PKD1L3: variants seen among roughly 807,000 people sequenced by gnomAD.
The protein encoded by PKD1L3 is polycystin-1-like protein 3.
In PKD1L3, 239 loss-of-function variants were observed where a neutral mutation model predicts 184.1. That is an observed-to-expected ratio of 1.30 (90% CI 1.17 to 1.45). The LOEUF is 1.45. Ranked by LOEUF, PKD1L3 falls within the 40% of genes most tolerant of loss-of-function variation. PKD1L3 has a pLI of 0.00. For synonymous variants in PKD1L3, 996 were observed against 778.8 expected (o/e 1.28, Z -4.64); for missense variants, 2,660 against 2,067.2 (o/e 1.29, Z -5.56).
At chr16:71,985,544 C>G (rs1197954593) in intron 5 of PKD1L3, among the ~76,000 whole-genome samples, 3 of 152,084 alleles carry the variant, frequency 2.0e-5, no homozygotes, top group African/African-American at 7.2e-5. Context: ...TCAGCCCCTG[C>G]CCCGCCACCC....
In PKD1L3 at chr16:71,936,605, C is replaced by T. The variant is rs544691408; in HGVS notation, c.4452+687G>A. ...CGCGATCTCGGCTCACTGCAACCTCCGCCTCCCGAGCAGCTGGGATTACAG... is the reference window on the plus strand; with the variant it reads ...CGCGATCTCGGCTCACTGCAACCTCTGCCTCCCGAGCAGCTGGGATTACAG... On this transcript the variant is annotated intron_variant, in intron 25 of 29. Coordinates refer to ENST00000620267, the MANE Select transcript of PKD1L3 (RefSeq NM_181536.2). 1.7e-4 allele frequency among the ~76,000 whole-genome samples: 25 copies of T among 148,992 alleles called. 1 individual carries two copies. The highest frequency in any genetic ancestry group is 1.3e-3 in the South Asian group (6 of 4,680).
intron 4 of PKD1L3, among the ~76,000 whole-genome samples, chr16:71,987,308 C>A (rs939532763): frequency 6.6e-6 from 1 of 151,836 alleles, no homozygotes; most frequent in Non-Finnish European, 1.5e-5. Flanking sequence ...GCAGCCTTGA[C>A]CTCCTGGGTT....
intron 24 of PKD1L3, among the ~76,000 whole-genome samples, chr16:71,940,609 C>T (rs2038328997): frequency 6.6e-6 from 1 of 151,278 alleles, no homozygotes; most frequent in Admixed American, 6.6e-5. Flanking sequence ...AAGCAATTCT[C>T]CTGTCTCAGC....
chr16:71,961,192 T>A (rs1236843415), intron 16 of PKD1L3, among the ~76,000 whole-genome samples: 3 of 152,132 alleles, frequency 2.0e-5, no homozygotes. Context: ...AGTGGCGTGA[T>A]CTCAGCTCAC....
At chr16:71,981,989 G>A in intron 7 of PKD1L3, 70 bp downstream of exon 7, 2 of 1,377,824 alleles carry the variant, frequency 1.5e-6, no homozygotes, top group African/African-American at 1.5e-5. Context: ...GGGAGAGGCT[G>A]TGATACCTGG....
intron 2 of PKD1L3, among the ~76,000 whole-genome samples, chr16:71,996,069 A>G (rs533400227): frequency 5.3e-5 from 8 of 152,082 alleles, no homozygotes; most frequent in Non-Finnish European, 8.8e-5. Context: ...AATGTAACTT[A>G]TTATTTTGAG....
chr16:71,949,864 C>G lies in PKD1L3; in HGVS notation c.3537G>C (p.Leu1179Phe). The G allele has an allele frequency of 1.9e-6, 3 of 1,551,548 alleles. No homozygotes were observed. Among genetic ancestry groups the G allele is most frequent in the Non-Finnish European group, 2.6e-6 (3 of 1,146,976 alleles). The change falls in exon 21 of 30, where the codon TTG becomes TTC. Residue 1179 changes from leucine to phenylalanine, a missense_variant. Transcript: ENST00000620267. ...TCCAGCTGGTGGCTTGGTCTTTGCT[C>G]AATTCCAAGCTATAAAGTGCTGTAA... ...AFFTALYSLE[L>F]SKDQATSWMI... is the part of the protein sequence containing the mutation.
chr16:71,979,261 T>C (rs1012968750), intron 9 of PKD1L3, among the ~76,000 whole-genome samples: 3 of 152,040 alleles, frequency 2.0e-5, no homozygotes, highest in Non-Finnish European at 2.9e-5. Flanking sequence ...CTGGCCAAAA[T>C]GGCGAAACCC....
Position 71,935,407 on chromosome 16 carries a change from T to TA in PKD1L3, c.4563dup (p.Ile1522TyrfsTer5), listed in dbSNP as rs776495145. ...GCCATGTTTTTCTTATGTAGAGAAATACTCTTCATGTCAAGCCCCAGGAGG... is the reference window on the plus strand; with the variant it reads ...GCCATGTTTTTCTTATGTAGAGAAATAACTCTTCATGTCAAGCCCCAGGAGG... On this transcript the variant is annotated frameshift_variant, in exon 26 of 30. Coordinates refer to ENST00000620267, the MANE Select transcript of PKD1L3 (RefSeq NM_181536.2). LOFTEE classifies it high-confidence loss of function. The TA allele has an allele frequency of 6.2e-5, 96 of 1,551,868 alleles. No homozygotes were observed. The highest frequency in any genetic ancestry group is 8.2e-5 in the Non-Finnish European group (94 of 1,147,004).
At chr16:71,990,631 G>C (rs1417122215) in intron 3 of PKD1L3, among the ~76,000 whole-genome samples, 6 of 152,124 alleles carry the variant, frequency 3.9e-5, no homozygotes, top group Admixed American at 3.9e-4. Context: ...CTACTCGGGA[G>C]GCTGAGGCAG....
rs375852265 is a variant in PKD1L3 at position 71,986,353 on chromosome 16, C to G, written c.702G>C (p.Gln234His). Residue 234 changes from glutamine to histidine, a missense_variant, in exon 5 of 30, where the codon CAG (glutamine) becomes CAC (histidine). By Grantham distance (24) the Gln-to-His change is conservative. Coordinates refer to ENST00000620267, the MANE Select transcript of PKD1L3 (RefSeq NM_181536.2). ...GCGTGACAGACACGGGCATGGTGAG[C>G]TGTGTTATCACAGGGAGAGGCTGGC... ...PSSQPLPVIT[Q>H]LTMPVSVTHA... 36 of 1,551,322 alleles carry G rather than the reference C, an allele frequency of 2.3e-5. No individual in the cohort carries two copies. The highest frequency in any genetic ancestry group is 7.8e-5 in the Admixed American group (4 of 50,968).
At chr16:71,977,197 G>C in intron 11 of PKD1L3, 39 bp downstream of exon 11, 2 of 1,427,546 alleles carry the variant, frequency 1.4e-6, no homozygotes, top group Non-Finnish European at 1.9e-6. Flanking sequence ...TAGGCAAAAA[G>C]AAATCAAAGT....
intron 16 of PKD1L3, 131 bp from the exon 17 acceptor site, chr16:71,954,432 G>T: frequency 1.8e-6 from 1 of 558,144 alleles, no homozygotes; most frequent in Non-Finnish European, 3.0e-6. Context: ...CTGTGAATAA[G>T]CTTTCAGATA....
Position 71,968,099 on chromosome 16 carries a change from G to A in PKD1L3, c.2185-92C>T. On this transcript the variant is annotated intron_variant, in intron 13 of 29. Transcript: ENST00000620267. ...CTGAGGAGCAGGAGGATGAACTCCGGCAGGTGTCTGGCAGCCCTGCAGAAA... is the reference window on the plus strand; with the variant it reads ...CTGAGGAGCAGGAGGATGAACTCCGACAGGTGTCTGGCAGCCCTGCAGAAA... 2 of 1,018,774 alleles carry A rather than the reference G, an allele frequency of 2.0e-6. 1 individual carries two copies. The highest frequency in any genetic ancestry group is 6.1e-4 in the Middle Eastern group (2 of 3,302). 63.1% of individuals were successfully genotyped at this position (1,018,774 alleles called of 1,614,324 possible). A position where few individuals can be genotyped will look rare whatever the true frequency, so the allele number is the denominator to read the frequency against.
chr16:71,956,361 T>C (rs1305872676), intron 16 of PKD1L3, among the ~76,000 whole-genome samples: 3 of 151,612 alleles, frequency 2.0e-5, no homozygotes, highest in Non-Finnish European at 4.4e-5. Flanking sequence ...GCCTGGCTAA[T>C]TTTTGTATTT....
At chr16:71,977,498 G>A in intron 10 of PKD1L3, 31 bp from the exon 11 acceptor site, 1 of 1,470,794 alleles carries the variant, frequency 6.8e-7, no homozygotes, top group Non-Finnish European at 9.3e-7. Flanking sequence ...TCATTATAAT[G>A]GTCCATCCAT....
At chr16:71,940,566 C>A (rs2038328136) in intron 24 of PKD1L3, among the ~76,000 whole-genome samples, 1 of 151,986 alleles carries the variant, frequency 6.6e-6, no homozygotes, top group African/African-American at 2.4e-5. Context: ...GTGGCACGAT[C>A]TCAGCTCACT....
intron 4 of PKD1L3, among the ~76,000 whole-genome samples, chr16:71,989,543 G>C (rs2040507817): frequency 6.6e-6 from 1 of 152,208 alleles, no homozygotes; most frequent in Non-Finnish European, 1.5e-5. Flanking sequence ...CAACTAAAGG[G>C]TTTCTACATA....
chr16:72,000,096 T>C lies in PKD1L3; in HGVS notation c.-118A>G. The C allele has an allele frequency of 1.1e-6, 1 of 876,688 alleles. No homozygotes were observed. Among genetic ancestry groups the C allele is most frequent in the Non-Finnish European group, 1.6e-6 (1 of 616,754 alleles). The allele number at this position is 876,688 out of a possible 1,614,324, so 54.3% of individuals were successfully genotyped here. The stretch of plus-strand genomic sequence containing the variant: ...ATTCTTTTATGAATTGGGAACAATT[T>C]ACCAAGGATACAAAAGGTTTTGTTT... On this transcript the variant is annotated 5_prime_UTR_variant, in exon 1 of 30. An upstream open reading frame in the 5' UTR loses its in-frame stop. Transcript: ENST00000620267.
Sources: gnomAD v4.1 joint callset for allele counts (sites outside exome capture counted in the v4.1 genomes callset) on GRCh38, gnomAD v4.1.1 for gene constraint, MANE v1.5 for transcripts, NCBI Gene and HGNC (gene_info 2026-07-23, HGNC 2026-07-21) for gene names.